CDH8: variants seen among roughly 807,000 people sequenced by gnomAD.
CDH8 encodes cadherin 8.
A neutral mutation model predicts 68.1 loss-of-function variants in CDH8; 17 were observed. That is an observed-to-expected ratio of 0.25 (90% confidence interval 0.17 to 0.37). The LOEUF (loss-of-function observed/expected upper bound fraction) is 0.37, where lower values mean the gene tolerates loss of function less well. Among genes scored for constraint, CDH8 ranks in the 10% least tolerant of loss-of-function variants. CDH8 has a pLI of 1.00. For missense variants in CDH8, 763 were observed against 999.3 expected, an observed-to-expected ratio of 0.76 and a Z score of 3.19; for synonymous variants, 372 against 365.1, an observed-to-expected ratio of 1.02 and a Z score of -0.21.
At chr16:61,901,754 C>A (rs537428775) in intron 2 of CDH8, among the ~76,000 whole-genome samples, 1 of 152,034 alleles carries the variant, frequency 6.6e-6, no homozygotes, top group Non-Finnish European at 1.5e-5. Flanking sequence ...GAGAAAAATA[C>A]AAAAATATAT....
chr16:61,769,729 G>A (rs1006349777), intron 8 of CDH8, among the ~76,000 whole-genome samples: 1 of 151,766 alleles, frequency 6.6e-6, no homozygotes, highest in Non-Finnish European at 1.5e-5. Context: ...TATAGTACGT[G>A]AACATTAAAA....
chr16:61,763,522 G>C (rs1459114660), intron 8 of CDH8, among the ~76,000 whole-genome samples: 1 of 152,126 alleles, frequency 6.6e-6, no homozygotes, highest in African/African-American at 2.4e-5. Flanking sequence ...AATACTGTTG[G>C]GAGCTAGAGT....
chr16:61,752,292 T>A (rs1193094393), intron 8 of CDH8, among the ~76,000 whole-genome samples: 2 of 152,170 alleles, frequency 1.3e-5, no homozygotes, highest in Non-Finnish European at 2.9e-5. Flanking sequence ...AGGGCATGGT[T>A]AATGTCTTGA....
chr16:61,787,734 A>G (rs1351968787), intron 8 of CDH8, among the ~76,000 whole-genome samples: 1 of 150,314 alleles, frequency 6.7e-6, no homozygotes, highest in Non-Finnish European at 1.5e-5. Flanking sequence ...AATGTGGCAC[A>G]TATACATCAT....
intron 10 of CDH8, among the ~76,000 whole-genome samples, chr16:61,699,015 T>C (rs1420108817): frequency 1.1e-4 from 16 of 152,200 alleles, no homozygotes; most frequent in Admixed American, 1.0e-3. Flanking sequence ...TAGAATATAC[T>C]TCAAGTTGGT....
chr16:61,969,947 T>C lies in CDH8; in HGVS notation c.252+51205A>G, dbSNP rs1274218280. Among the ~76,000 whole-genome samples the C allele has an allele frequency of 4.6e-5, 7 of 152,370 alleles. No individual in the cohort carries two copies. In the South Asian group the frequency reaches 1.2e-3, roughly 27 times the overall value. ...AATCTGTTCTCTTAGTTTGAAATAC[T>C]ATAATAATGGTAACCTCCTTCGCTG... On this transcript the variant is annotated intron_variant, in intron 2 of 11. Transcript: ENST00000577390.
intron 2 of CDH8, among the ~76,000 whole-genome samples, chr16:61,938,979 A>G (rs1964669646): frequency 6.6e-6 from 1 of 152,220 alleles, no homozygotes; most frequent in Admixed American, 6.5e-5. Flanking sequence ...GTGTAGCTGT[A>G]CAGTATAAAC....
chr16:61,764,955 G>GA (rs1265501281), intron 8 of CDH8, among the ~76,000 whole-genome samples: 2 of 151,894 alleles, frequency 1.3e-5, no homozygotes, highest in Non-Finnish European at 2.9e-5. Context: ...TTCTAAACTT[G>GA]AAAAATGGGT....
At chr16:61,820,290 G>A (rs1962179595) in intron 6 of CDH8, among the ~76,000 whole-genome samples, 1 of 140,592 alleles carries the variant, frequency 7.1e-6, no homozygotes, top group African/African-American at 2.7e-5. Flanking sequence ...CAGGATAACT[G>A]AACCTGAATG....
chr16:61,845,585 C>T (rs1962791324), intron 4 of CDH8, among the ~76,000 whole-genome samples: 1 of 151,172 alleles, frequency 6.6e-6, no homozygotes, highest in Non-Finnish European at 1.5e-5. Flanking sequence ...CCTATGAACA[C>T]TATAATCTCT....
At chr16:61,959,996 A>G (rs1965069462) in intron 2 of CDH8, among the ~76,000 whole-genome samples, 1 of 79,072 alleles carries the variant, frequency 1.3e-5, no homozygotes, top group South Asian at 4.0e-4. Flanking sequence ...ATATATATAT[A>G]TATATATATA....
intron 7 of CDH8, among the ~76,000 whole-genome samples, chr16:61,800,286 C>T (rs72798730): frequency 0.023 from 3,555 of 152,294 alleles, 59 homozygotes; most frequent in South Asian, 0.051. Flanking sequence ...TTCCTAAACG[C>T]AATGTCTACC....
chr16:61,863,258 G>GT (rs1410353116), intron 3 of CDH8, among the ~76,000 whole-genome samples: 11 of 152,174 alleles, frequency 7.2e-5, no homozygotes, highest in African/African-American at 2.6e-4. Context: ...AAGGCTTACA[G>GT]TATCATGTGC....
intron 9 of CDH8, among the ~76,000 whole-genome samples, chr16:61,720,883 T>A (rs1459103923): frequency 6.6e-6 from 1 of 150,792 alleles, no homozygotes; most frequent in Non-Finnish European, 1.5e-5. Flanking sequence ...ATAATAGAAA[T>A]AAAGTATTTT....
At chr16:61,870,663 T>G (rs943849648) in intron 3 of CDH8, among the ~76,000 whole-genome samples, 4 of 152,132 alleles carry the variant, frequency 2.6e-5, no homozygotes, top group African/African-American at 9.7e-5. Flanking sequence ...CTCAATCACT[T>G]TAGAAAGTTC....
chr16:61,775,971 C>A (rs749219454), intron 8 of CDH8, among the ~76,000 whole-genome samples: 1 of 151,950 alleles, frequency 6.6e-6, no homozygotes, highest in Non-Finnish European at 1.5e-5. Flanking sequence ...CTATTTCAGC[C>A]CTCTTTCTCT....
At chr16:61,840,643 CATT>C (rs1962664816) in intron 4 of CDH8, among the ~76,000 whole-genome samples, 1 of 152,134 alleles carries the variant, frequency 6.6e-6, no homozygotes, top group South Asian at 2.1e-4. Context: ...AGCCAGAAGA[CATT>C]ATCCTCAGCA....
rs144561895 is a variant in CDH8, at chr16:62,026,084, A to G, written c.-199-4482T>C. On this transcript the variant is annotated intron_variant, in intron 1 of 11. Transcript: ENST00000577390. ...TAATATTTAATAAGTGGCTCTTTGA[A>G]AGAAAAAATTCTGATTTGTAATGTT... Among the ~76,000 whole-genome samples, 4 of 152,298 alleles carry G rather than the reference A, an allele frequency of 2.6e-5. No individual in the cohort carries two copies. The East Asian group carries it at 7.7e-4, about 29-fold the overall frequency.
intron 8 of CDH8, among the ~76,000 whole-genome samples, chr16:61,764,062 G>C (rs553850864): frequency 2.0e-4 from 30 of 152,064 alleles, no homozygotes; most frequent in Non-Finnish European, 3.4e-4. Context: ...AAAATTACTT[G>C]ACAATTGCAA....
Sources: gnomAD v4.1 joint callset for allele counts (sites outside exome capture counted in the v4.1 genomes callset) on GRCh38, gnomAD v4.1.1 for gene constraint, MANE v1.5 for transcripts, NCBI Gene and HGNC (gene_info 2026-07-23, HGNC 2026-07-21) for gene names.